Variants in NPAS1 observed in about 807,000 individuals in gnomAD.
NPAS1 encodes neuronal PAS domain protein 1.
Under a neutral mutation model 49.2 loss-of-function variants are expected in NPAS1, and 29 were observed. The observed-to-expected ratio is 0.59, with a 90% CI of 0.44 to 0.80. The LOEUF (loss-of-function observed/expected upper bound fraction) is 0.80. Among genes scored for constraint, NPAS1 ranks in the 30% least tolerant of loss-of-function variants. The pLI, the probability that NPAS1 is intolerant of heterozygous loss-of-function variation, is 0.00. For missense variants in NPAS1, 825 were observed against 835.5 expected, an observed-to-expected ratio of 0.99 and a Z score of 0.15; for synonymous variants, 408 against 380.4, an observed-to-expected ratio of 1.07 and a Z score of -0.84.
At position 47,025,807 on chromosome 19, in the gene NPAS1, T is replaced by C. The variant is rs538905704; in HGVS notation, c.358+3960T>C. Among the ~76,000 whole-genome samples the C allele has an allele frequency of 5.9e-5, 9 of 152,230 alleles. No individual in the cohort carries two copies. In the South Asian group the frequency reaches 1.5e-3, roughly 25 times the overall value. On this transcript the variant is annotated intron_variant, in intron 3 of 11. Coordinates refer to ENST00000602212, the MANE Select transcript of NPAS1 (RefSeq NM_002517.4). ...CCAGGCTGCTCTCACATTCCTGGGA[T>C]CAAGTGATTTGCCAACCTTGGCCTC...
chr19:47,028,203 G>C (rs1487216363), intron 3 of NPAS1, among the ~76,000 whole-genome samples: 1 of 152,126 alleles, frequency 6.6e-6, no homozygotes, highest in East Asian at 1.9e-4. Context: ...AATGACAGGG[G>C]AAAATTGCGA....
At chr19:47,025,380 GC>G (rs2056864971) in intron 3 of NPAS1, among the ~76,000 whole-genome samples, 2 of 133,622 alleles carry the variant, frequency 1.5e-5, no homozygotes, top group African/African-American at 5.0e-5. Flanking sequence ...CTGGGTTCAA[GC>G]GATTCTCCTG....
chr19:47,021,067 G>T lies in NPAS1; in HGVS notation c.20G>T (p.Gly7Val). 1 of 1,606,386 alleles carries T rather than the reference G, an allele frequency of 6.2e-7. No homozygotes were observed. Residue 7 changes from glycine (G) to valine (V), a missense_variant, in exon 2 of 12, where the codon GGC (glycine) becomes GTC (valine). Gly to Val is a moderately radical substitution (Grantham distance 109). Transcript: ENST00000602212. This position sits in a 1 kb window ranked among gnomAD's most constrained non-coding sequence, Gnocchi z 5.7. ...CCGGAGATGGCGGCCCCCTATCCCG[G>T]CAGTGGCGGCGGAAGCGAGGTCAAA... is the stretch of plus-strand genomic sequence containing the variant. MAAPYP[G>V]SGGGSEVKCV...
rs1168762565 is a variant in NPAS1, at chr19:47,021,316, C to T, written c.122+147C>T. The T allele has an allele frequency of 2.8e-6, 2 of 718,920 alleles. No homozygotes were observed. The highest frequency in any genetic ancestry group is 2.2e-6 in the Non-Finnish European group (1 of 459,386). 44.5% of individuals were successfully genotyped at this position (718,920 alleles called of 1,614,324 possible). A position where few individuals can be genotyped will look rare whatever the true frequency, so the allele number is the denominator to read the frequency against. ...GAAGGTCTTACCTTGAGTTAACTACCGTCCTGAGCCCGGTCCCCTGCGTTC... is the reference window on the plus strand; with the variant it reads ...GAAGGTCTTACCTTGAGTTAACTACTGTCCTGAGCCCGGTCCCCTGCGTTC... On this transcript the variant is annotated intron_variant, in intron 2 of 11. Coordinates refer to ENST00000602212, the MANE Select transcript of NPAS1 (RefSeq NM_002517.4). The surrounding 1 kb of genome is among the most constrained non-coding windows in gnomAD (Gnocchi z 5.7).
intron 9 of NPAS1, 59 bp from the exon 10 acceptor site, chr19:47,040,919 T>C: frequency 1.4e-6 from 2 of 1,383,116 alleles, no homozygotes; most frequent in Non-Finnish European, 9.5e-7. Context: ...TACCTGGCTC[T>C]CTGTCTTGCC....
rs533356404 is a variant in NPAS1, at chr19:47,024,965, G to A, written c.358+3118G>A. Among the ~76,000 whole-genome samples the A allele has an allele frequency of 5.3e-5, 8 of 150,920 alleles. No homozygotes were observed. In the South Asian group the frequency reaches 1.1e-3, roughly 20 times the overall value. On this transcript the variant is annotated intron_variant, in intron 3 of 11. Coordinates refer to ENST00000602212, the MANE Select transcript of NPAS1 (RefSeq NM_002517.4). ...GCTGGGATTACAGGCGCCTGCCACCGCGCCTGGCTAATTTTTTGTATTTTT... is the reference window on the plus strand; with the variant it reads ...GCTGGGATTACAGGCGCCTGCCACCACGCCTGGCTAATTTTTTGTATTTTT...
At chr19:47,037,623 A>G (rs1452505815) in intron 6 of NPAS1, among the ~76,000 whole-genome samples, 1 of 152,068 alleles carries the variant, frequency 6.6e-6, no homozygotes, top group Non-Finnish European at 1.5e-5. Flanking sequence ...GGCTCTTTTT[A>G]GCTCTGAGAT....
Position 47,040,999 on chromosome 19 carries a change from T to C in NPAS1, c.1091T>C (p.Met364Thr). Reference protein sequence around the residue: ...HVDLLDKGQVMTGYYRWLQRA... With the variant: ...HVDLLDKGQVTTGYYRWLQRA... ...CCAGTGCTGGACAAGGGTCAGGTGATGACTGGTTACTACCGTTGGCTGCAG... is the reference window on the plus strand; with the variant it reads ...CCAGTGCTGGACAAGGGTCAGGTGACGACTGGTTACTACCGTTGGCTGCAG... The change falls in exon 10 of 12, where the codon ATG becomes ACG. Residue 364 changes from methionine to threonine, a missense_variant. Transcript: ENST00000602212. 4 of 1,525,020 alleles carry C rather than the reference T, an allele frequency of 2.6e-6. No homozygotes were observed. Among genetic ancestry groups the C allele is most frequent in the Non-Finnish European group, 3.5e-6 (4 of 1,136,808 alleles). 94.5% of individuals were successfully genotyped at this position (1,525,020 alleles called of 1,614,324 possible).
rs2057017109 is a variant in NPAS1, at chr19:47,041,102, G to A, written c.1194G>A (p.Val398=). The stretch of plus-strand genomic sequence containing the variant: ...GGAAGAGCCCCGGGGAGCACCATGT[G>A]CTTTGGGTCAGCCACGTGCTCAGGT... The part of the protein sequence containing the change: ...GSGKSPGEHH[V]LWVSHVLSQA... The change falls in exon 10 of 12, where the codon GTG becomes GTA. Residue 398 remains valine (V), a synonymous_variant. Coordinates refer to ENST00000602212, the MANE Select transcript of NPAS1 (RefSeq NM_002517.4). 2 of 1,594,542 alleles carry A rather than the reference G, an allele frequency of 1.3e-6. No homozygotes were observed. Among genetic ancestry groups the A allele is most frequent in the Non-Finnish European group, 1.7e-6 (2 of 1,174,790 alleles).
chr19:47,038,975 C>T, intron 6 of NPAS1, 61 bp from the exon 7 acceptor site: 1 of 1,443,134 alleles, frequency 6.9e-7, no homozygotes, highest in Non-Finnish European at 9.7e-7. Flanking sequence ...CTGCAAGGGT[C>T]AGGGTGGCCT....
intron 6 of NPAS1, 43 bp from the exon 7 acceptor site, chr19:47,038,993 T>C (rs2056990103): frequency 6.4e-7 from 1 of 1,571,876 alleles, no homozygotes; most frequent in Non-Finnish European, 8.8e-7. Context: ...CCTGTGTGTT[T>C]CCTCTTCAGG....
At chr19:47,025,185 C>T (rs1353471355) in intron 3 of NPAS1, among the ~76,000 whole-genome samples, 1 of 136,122 alleles carries the variant, frequency 7.3e-6, no homozygotes, top group Non-Finnish European at 1.7e-5. Flanking sequence ...CCAACAGCCT[C>T]TTGGTTGCTG....
chr19:47,035,822 GTTTT>G lies in NPAS1; in HGVS notation c.523-138_523-135del, dbSNP rs1304594892. Reference sequence around the variant, plus strand: ...TCCGTTTGAAAGGTAATTGTTTTTTGTTTTTTTCTTTTCTTAAAAAAACACACTG... The same window carrying G: ...TCCGTTTGAAAGGTAATTGTTTTTTGTTTCTTTTCTTAAAAAAACACACTG... On this transcript the variant is annotated intron_variant, in intron 5 of 11. Coordinates refer to ENST00000602212, the MANE Select transcript of NPAS1 (RefSeq NM_002517.4). The G allele has an allele frequency of 1.3e-5, 11 of 818,878 alleles. No individual in the cohort carries two copies. In the African/African-American group the frequency reaches 1.9e-4, roughly 14 times the overall value. 50.7% of individuals were successfully genotyped at this position (818,878 alleles called of 1,614,324 possible). A position where few individuals can be genotyped will look rare whatever the true frequency, so the allele number is the denominator to read the frequency against.
chr19:47,027,272 C>T (rs557419972), intron 3 of NPAS1, among the ~76,000 whole-genome samples: 88 of 152,098 alleles, frequency 5.8e-4, no homozygotes, highest in African/African-American at 1.4e-3. Context: ...GGGCAGGTGA[C>T]GGGGGAGATC....
chr19:47,024,763 G>A (rs2056861053), intron 3 of NPAS1, among the ~76,000 whole-genome samples: 1 of 150,982 alleles, frequency 6.6e-6, no homozygotes, highest in South Asian at 2.1e-4. Flanking sequence ...GAGCCTCTGA[G>A]TCTGGAGAGG....
rs1390590833 is a variant in NPAS1 at position 47,021,209 on chromosome 19, C to T, written c.122+40C>T. ...GCCCCCCTGGCCGCGGGCCCCCCCC[C>T]GGGTCCAATTCACACCCGATGTTCT... On this transcript the variant is annotated intron_variant, in intron 2 of 11. Transcript: ENST00000602212. The surrounding 1 kb of genome is among the most constrained non-coding windows in gnomAD (Gnocchi z 5.7). 1.3e-5 allele frequency: 19 copies of T among 1,471,494 alleles called. No homozygotes were observed. Among genetic ancestry groups the T allele is most frequent in the Non-Finnish European group, 1.6e-5 (18 of 1,102,556 alleles). The allele number at this position is 1,471,494 out of a possible 1,614,324, so 91.2% of individuals were successfully genotyped here. A position where few individuals can be genotyped will look rare whatever the true frequency, so the allele number is the denominator to read the frequency against.
At position 47,021,861 on chromosome 19, in the gene NPAS1, C is replaced by T; in HGVS notation, c.358+14C>T. On this transcript the variant is annotated intron_variant, in intron 3 of 11. Coordinates refer to ENST00000602212, the MANE Select transcript of NPAS1 (RefSeq NM_002517.4). This position sits in a 1 kb window ranked among gnomAD's most constrained non-coding sequence, Gnocchi z 5.7. ...CAGCTGGCCTCGGTGAGTGCTCATG[C>T]GCGGGGCGAGGGTCCCGGGGCCCTC... The T allele has an allele frequency of 7.0e-7, 1 of 1,432,134 alleles. No homozygotes were observed. The highest frequency in any genetic ancestry group is 9.1e-7 in the Non-Finnish European group (1 of 1,095,272). 88.7% of individuals were successfully genotyped at this position (1,432,134 alleles called of 1,614,324 possible). A position where few individuals can be genotyped will look rare whatever the true frequency, so the allele number is the denominator to read the frequency against.
At chr19:47,035,747 A>G in intron 5 of NPAS1, 1 of 527,586 alleles carries the variant, frequency 1.9e-6, no homozygotes, top group African/African-American at 2.0e-5. Flanking sequence ...GCGGGGAAAA[A>G]TCCTTACTAA....
intron 6 of NPAS1, among the ~76,000 whole-genome samples, chr19:47,037,667 T>C (rs2056972037): frequency 6.6e-6 from 1 of 152,240 alleles, no homozygotes; most frequent in Middle Eastern, 3.4e-3. Context: ...ATCCTGTAAA[T>C]AGGATTTTCC....
Sources: gnomAD v4.1 joint callset for allele counts (sites outside exome capture counted in the v4.1 genomes callset) on GRCh38, gnomAD v4.1.1 for gene constraint, Gnocchi (gnomAD v3.1) non-coding constraint, MANE v1.5 for transcripts, NCBI Gene and HGNC (gene_info 2026-07-23, HGNC 2026-07-21) for gene names.